The following ATRNL1 variants were observed in gnomAD, a reference collection of about 807,000 sequenced individuals.
The protein encoded by ATRNL1 is attractin-like protein 1.
A neutral mutation model predicts 182.7 loss-of-function variants in ATRNL1; 95 were observed. The observed-to-expected ratio is 0.52, with a 90% CI of 0.44 to 0.62. The LOEUF is 0.62. ATRNL1 is among the 20% of genes least tolerant of loss of function. ATRNL1 has a pLI of 0.00. For synonymous variants in ATRNL1, 576 were observed against 568.3 expected (o/e 1.01, Z -0.19); for missense variants, 1,471 against 1,679.5 (o/e 0.88, Z 2.17).
At chr10:115,142,769 G>A (rs1845803800) in intron 5 of ATRNL1, among the ~76,000 whole-genome samples, 1 of 152,062 alleles carries the variant, frequency 6.6e-6, no homozygotes, top group Admixed American at 6.6e-5. Context: ...CTATGGAGGT[G>A]GTGACAATGG....
intron 8 of ATRNL1, among the ~76,000 whole-genome samples, chr10:115,208,776 T>A (rs1848903718): frequency 6.6e-6 from 1 of 152,034 alleles, no homozygotes; most frequent in South Asian, 2.1e-4. Flanking sequence ...TAAAGACATG[T>A]GGGACTTTTC....
intron 26 of ATRNL1, among the ~76,000 whole-genome samples, chr10:115,696,392 C>T (rs1160845276): frequency 2.6e-5 from 4 of 152,140 alleles, no homozygotes; most frequent in Non-Finnish European, 5.9e-5. Flanking sequence ...ATTGCTTGAG[C>T]CTGGGTGGCA....
chr10:115,659,147 T>A (rs2133899410), intron 26 of ATRNL1, among the ~76,000 whole-genome samples: 1 of 151,724 alleles, frequency 6.6e-6, no homozygotes, highest in African/African-American at 2.4e-5. Context: ...CATATCACCA[T>A]CTCTACACAA....
intron 20 of ATRNL1, among the ~76,000 whole-genome samples, chr10:115,398,155 TAA>T: frequency 6.6e-6 from 1 of 151,700 alleles, no homozygotes; most frequent in African/African-American, 2.4e-5. Flanking sequence ...GTTGCTCAGG[TAA>T]AAAAAATGAA....
chr10:115,762,455 T>C (rs78662768), intron 27 of ATRNL1, among the ~76,000 whole-genome samples: 1 of 152,162 alleles, frequency 6.6e-6, no homozygotes, highest in African/African-American at 2.4e-5. Context: ...TAAGAATTCA[T>C]TGATGGAACC....
rs571668750 is a variant in ATRNL1 at position 115,304,772 on chromosome 10, G to A, written c.2818+2729G>A. 9.9e-5 allele frequency among the ~76,000 whole-genome samples: 15 copies of A among 152,112 alleles called. No homozygotes were observed. The East Asian group carries it at 1.6e-3, about 16-fold the overall frequency. ...CTACACACATGGGGATATGTGGGGC[G>A]GCCATATTCCCAAATACATGTGGGG... On this transcript the variant is annotated intron_variant, in intron 17 of 28. Coordinates refer to ENST00000355044, the MANE Select transcript of ATRNL1 (RefSeq NM_207303.4).
At chr10:115,768,494 A>G (rs1369894717) in intron 27 of ATRNL1, among the ~76,000 whole-genome samples, 1 of 152,134 alleles carries the variant, frequency 6.6e-6, no homozygotes, top group Non-Finnish European at 1.5e-5. Flanking sequence ...AAACCTAATT[A>G]CATTTTCATA....
chr10:115,628,814 C>T (rs968249914), intron 26 of ATRNL1, among the ~76,000 whole-genome samples: 10 of 151,908 alleles, frequency 6.6e-5, no homozygotes, highest in African/African-American at 1.2e-4. Context: ...AAAGTAATTG[C>T]GGTTTTGGTA....
chr10:115,277,197 T>C (rs1852144327), intron 13 of ATRNL1, among the ~76,000 whole-genome samples: 2 of 152,026 alleles, frequency 1.3e-5, no homozygotes, highest in African/African-American at 4.8e-5. Context: ...AGTATGTTTC[T>C]AATGAAAATG....
At chr10:115,775,913 G>A (rs1414859992) in intron 27 of ATRNL1, among the ~76,000 whole-genome samples, 9 of 142,864 alleles carry the variant, frequency 6.3e-5, no homozygotes, top group African/African-American at 2.1e-4. Flanking sequence ...AGCCGAGATC[G>A]CACCATTGCA....
At chr10:115,921,494 A>G (rs1308821224) in intron 28 of ATRNL1, among the ~76,000 whole-genome samples, 1 of 150,312 alleles carries the variant, frequency 6.7e-6, no homozygotes, top group Non-Finnish European at 1.5e-5. Context: ...ATGAGAAAAG[A>G]GAGTCCAGTT....
intron 22 of ATRNL1, among the ~76,000 whole-genome samples, chr10:115,464,333 T>C (rs1565072017): frequency 7.9e-6 from 1 of 125,846 alleles, no homozygotes; most frequent in Admixed American, 7.7e-5. Context: ...ATTTCCTACA[T>C]TTTGAAAAAC....
chr10:115,923,807 C>T (rs1555119269), intron 28 of ATRNL1, among the ~76,000 whole-genome samples: 1 of 152,150 alleles, frequency 6.6e-6, no homozygotes, highest in African/African-American at 2.4e-5. Flanking sequence ...ATATCTGGTT[C>T]TAGATCCTTG....
intron 27 of ATRNL1, among the ~76,000 whole-genome samples, chr10:115,798,170 G>A (rs1004631136): frequency 9.9e-5 from 15 of 152,102 alleles, no homozygotes; most frequent in Admixed American, 5.9e-4. Flanking sequence ...GCCCACCTCG[G>A]CCTCCCCAAG....
At chr10:115,216,690 T>A (rs1385654441) in intron 9 of ATRNL1, among the ~76,000 whole-genome samples, 2 of 151,952 alleles carry the variant, frequency 1.3e-5, no homozygotes, top group African/African-American at 4.8e-5. Flanking sequence ...ATGACTTTTT[T>A]TTCTTTTAAG....
chr10:115,214,717 A>G (rs1376859319), intron 8 of ATRNL1, among the ~76,000 whole-genome samples: 1 of 152,148 alleles, frequency 6.6e-6, no homozygotes, highest in African/African-American at 2.4e-5. Flanking sequence ...GCTGCTTTTT[A>G]TAATAAATTT....
intron 8 of ATRNL1, among the ~76,000 whole-genome samples, chr10:115,199,500 G>A (rs1848479470): frequency 1.3e-5 from 2 of 151,990 alleles, no homozygotes; most frequent in African/African-American, 4.8e-5. Context: ...GGCAGTGGGG[G>A]TTGCAGTGAG....
At chr10:115,814,775 A>G (rs1339994510) in intron 27 of ATRNL1, among the ~76,000 whole-genome samples, 3 of 152,104 alleles carry the variant, frequency 2.0e-5, no homozygotes, top group African/African-American at 7.2e-5. Context: ...AGAAAACACA[A>G]AAAGTTAGTC....
At chr10:115,141,456 G>A (rs1845750122) in intron 5 of ATRNL1, among the ~76,000 whole-genome samples, 1 of 151,986 alleles carries the variant, frequency 6.6e-6, no homozygotes, top group Non-Finnish European at 1.5e-5. Context: ...CCATTGGGTG[G>A]CAGTATTGAC....
Sources: gnomAD v4.1 joint callset for allele counts (sites outside exome capture counted in the v4.1 genomes callset) on GRCh38, gnomAD v4.1.1 for gene constraint, MANE v1.5 for transcripts, NCBI Gene and HGNC (gene_info 2026-07-23, HGNC 2026-07-21) for gene names.